ASPRV1: variants seen among roughly 807,000 people sequenced by gnomAD.
The protein encoded by ASPRV1 is retroviral-like aspartic protease 1.
In ASPRV1, 7 loss-of-function variants were observed where a neutral mutation model predicts 11.0. The ratio of observed to expected loss-of-function variants is 0.64; its 90% confidence interval spans 0.36 to 1.20. ASPRV1 has a LOEUF of 1.20. Among genes scored for constraint, ASPRV1 ranks in the 50% most tolerant of loss-of-function variants. ASPRV1 has a pLI of 0.02. For synonymous variants in ASPRV1, 136 were observed against 138.4 expected, an observed-to-expected ratio of 0.98 and a Z score of 0.12; for missense variants, 299 against 320.0, an observed-to-expected ratio of 0.93 and a Z score of 0.50.
the ASPRV1 span, among the ~76,000 whole-genome samples, chr2:69,967,639 A>G: frequency 6.6e-6 from 1 of 152,232 alleles, no homozygotes; most frequent in Non-Finnish European, 1.5e-5. Context: ...AAAGACACCA[A>G]AACAATGACA....
chr2:70,041,578 A>AT, the ASPRV1 span, among the ~76,000 whole-genome samples: 1 of 152,244 alleles, frequency 6.6e-6, no homozygotes, highest in African/African-American at 2.4e-5. Flanking sequence ...GCTACATCCC[A>AT]TCTGGCACTG....
chr2:70,066,211 C>G, the ASPRV1 span, among the ~76,000 whole-genome samples: 4 of 151,924 alleles, frequency 2.6e-5, no homozygotes, highest in Non-Finnish European at 5.9e-5. Flanking sequence ...CTCCAAAACA[C>G]AAAGCAGTTC....
chr2:70,036,541 G>C, the ASPRV1 span, among the ~76,000 whole-genome samples: 1 of 152,156 alleles, frequency 6.6e-6, no homozygotes, highest in African/African-American at 2.4e-5. Flanking sequence ...ACAAGTCACT[G>C]ATAATGCCAA....
the ASPRV1 span, among the ~76,000 whole-genome samples, chr2:69,992,899 G>A: frequency 6.6e-6 from 1 of 152,220 alleles, no homozygotes; most frequent in African/African-American, 2.4e-5. Flanking sequence ...AGACCTCCTG[G>A]TGAGGTGACA....
At chr2:70,064,138 A>G in the ASPRV1 span, among the ~76,000 whole-genome samples, 1 of 152,230 alleles carries the variant, frequency 6.6e-6, no homozygotes, top group Non-Finnish European at 1.5e-5. Flanking sequence ...TTTCATGGAT[A>G]TGACTTAATC....
At chr2:69,973,224 C>T in the ASPRV1 span, among the ~76,000 whole-genome samples, 1 of 152,320 alleles carries the variant, frequency 6.6e-6, no homozygotes, top group South Asian at 2.1e-4. Flanking sequence ...TTACAGGATG[C>T]TTTCATTGAT....
the ASPRV1 span, among the ~76,000 whole-genome samples, chr2:70,082,494 T>C: frequency 6.6e-6 from 1 of 152,084 alleles, no homozygotes; most frequent in Non-Finnish European, 1.5e-5. Flanking sequence ...GCAGATCACC[T>C]GAGGTCAGGA....
the ASPRV1 span, among the ~76,000 whole-genome samples, chr2:70,048,354 G>T: frequency 0.13 from 19,000 of 151,382 alleles, 1,702 homozygotes; most frequent in South Asian, 0.24. Flanking sequence ...AGCAAAGGTT[G>T]CAGTGAGCCG....
the ASPRV1 span, among the ~76,000 whole-genome samples, chr2:69,989,292 T>C: frequency 1.1e-4 from 16 of 152,272 alleles, no homozygotes. Flanking sequence ...CTCCAAGTCC[T>C]GGCTGGGCCT....
At chr2:70,073,805 A>C in the ASPRV1 span, among the ~76,000 whole-genome samples, 2 of 152,122 alleles carry the variant, frequency 1.3e-5, no homozygotes, top group East Asian at 1.9e-4. Flanking sequence ...CCCTTGCCCT[A>C]GAATCTGGCA....
the ASPRV1 span, among the ~76,000 whole-genome samples, chr2:70,058,952 A>T: frequency 0.23 from 31,139 of 137,782 alleles, 6,206 homozygotes; most frequent in African/African-American, 0.51. Context: ...AATGGCGCCA[A>T]CCCGGCTCAC....
chr2:70,065,390 CAAAA>C, the ASPRV1 span, among the ~76,000 whole-genome samples: 1 of 52,724 alleles, frequency 1.9e-5, no homozygotes, highest in Non-Finnish European at 3.9e-5. Context: ...GACACCATCT[CAAAA>C]AAAAAAAAAA....
At chr2:69,975,327 AAG>A in the ASPRV1 span, 1 of 152,710 alleles carries the variant, frequency 6.5e-6, no homozygotes, top group Admixed American at 6.5e-5. Flanking sequence ...CACAGACAGC[AAG>A]AGCCCAGCCT....
chr2:70,086,651 C>G, the ASPRV1 span, among the ~76,000 whole-genome samples: 3 of 152,242 alleles, frequency 2.0e-5, no homozygotes, highest in Non-Finnish European at 4.4e-5. Context: ...GAGGCCTCCA[C>G]AGGCGTACAC....
At chr2:70,074,373 C>T in the ASPRV1 span, among the ~76,000 whole-genome samples, 1 of 150,732 alleles carries the variant, frequency 6.6e-6, no homozygotes, top group South Asian at 2.1e-4. Context: ...ACTGCAACCT[C>T]TGCCTCCTGG....
the ASPRV1 span, among the ~76,000 whole-genome samples, chr2:70,084,072 G>C: frequency 2.0e-5 from 3 of 152,138 alleles, no homozygotes; most frequent in African/African-American, 7.2e-5. Flanking sequence ...TAAGACTCTC[G>C]GGGAAGGAGG....
chr2:70,076,941 G>A, the ASPRV1 span, among the ~76,000 whole-genome samples: 1 of 152,154 alleles, frequency 6.6e-6, no homozygotes, highest in Non-Finnish European at 1.5e-5. Flanking sequence ...TCGTAAAGTT[G>A]AAAATTGTAA....
the ASPRV1 span, among the ~76,000 whole-genome samples, chr2:70,047,087 T>C: frequency 2.0e-5 from 3 of 152,180 alleles, no homozygotes; most frequent in East Asian, 5.8e-4. Flanking sequence ...CAGGTCAATA[T>C]TCATTTCTTC....
chr2:70,082,582 T>TGGGC, the ASPRV1 span, among the ~76,000 whole-genome samples: 1 of 151,846 alleles, frequency 6.6e-6, no homozygotes, highest in Non-Finnish European at 1.5e-5. Context: ...TGGCGGCACA[T>TGGGC]GCCTGTAATC....
Sources: allele counts gnomAD v4.1 joint callset (sites outside exome capture counted in the v4.1 genomes callset), GRCh38; gene constraint gnomAD v4.1.1; transcripts MANE v1.5; gene names NCBI Gene and HGNC (gene_info 2026-07-23, HGNC 2026-07-21).